C1orf21: variants seen among roughly 807,000 people sequenced by gnomAD.
C1orf21 encodes the protein chromosome 1 open reading frame 21.
C1orf21 carries 3 observed loss-of-function variants against 18.7 expected under a neutral mutation model. The observed-to-expected ratio is 0.16, with a 90% CI of 0.07 to 0.42. The LOEUF (loss-of-function observed/expected upper bound fraction) is 0.42, where lower values mean the gene tolerates loss of function less well. Among genes scored for constraint, C1orf21 ranks in the 10% least tolerant of loss-of-function variants. The pLI is 0.99. For missense variants in C1orf21, 104 were observed against 143.6 expected (o/e 0.72, Z 1.41); for synonymous variants, 41 against 46.4 (o/e 0.88, Z 0.47).
intron 1 of C1orf21, among the ~76,000 whole-genome samples, chr1:184,396,027 T>C (rs1571339084): frequency 6.6e-6 from 1 of 152,152 alleles, no homozygotes; most frequent in Non-Finnish European, 1.5e-5. Context: ...AGATGGAAGA[T>C]GAAGTAGGCC....
rs554904721 is a variant in C1orf21 at position 184,431,005 on chromosome 1, C to G, written c.-125+43637C>G. Among the ~76,000 whole-genome samples the G allele has an allele frequency of 1.4e-4, 22 of 152,082 alleles. 1 individual carries two copies. Among genetic ancestry groups the G allele is most frequent in the Non-Finnish European group, 8.8e-5 (6 of 68,026 alleles). ...TCTCCTTGAAGAGGTGCTTCACATC[C>G]CTTGTAAGTAGTATCCATAGGTATT... is the stretch of plus-strand genomic sequence containing the variant. On this transcript the variant is annotated intron_variant, in intron 1 of 5. Transcript: ENST00000235307.
At chr1:184,478,191 G>T (rs1480982639) in intron 2 of C1orf21, among the ~76,000 whole-genome samples, 1 of 152,166 alleles carries the variant, frequency 6.6e-6, no homozygotes. Flanking sequence ...TCCAAAAGGG[G>T]AGTGAGTGAG....
intron 3 of C1orf21, chr1:184,566,925 C>T (rs1659042762): frequency 1.9e-6 from 1 of 519,364 alleles, no homozygotes; most frequent in South Asian, 1.5e-5. Flanking sequence ...ATAATACCAT[C>T]TCCTGTCATC....
chr1:184,393,653 T>C (rs534592739), intron 1 of C1orf21, among the ~76,000 whole-genome samples: 34 of 152,208 alleles, frequency 2.2e-4, no homozygotes, highest in Non-Finnish European at 4.9e-4. Flanking sequence ...CATTCTCCAT[T>C]GGATAAGCTA....
At chr1:184,567,330 A>T in intron 3 of C1orf21, 1 of 465,316 alleles carries the variant, frequency 2.1e-6, no homozygotes. Context: ...CCTGACTTCC[A>T]GGAAAGCAGG....
intron 1 of C1orf21, among the ~76,000 whole-genome samples, chr1:184,439,877 G>T (rs1006239320): frequency 2.0e-5 from 3 of 152,136 alleles, no homozygotes; most frequent in Non-Finnish European, 2.9e-5. Flanking sequence ...ATGAAAAGTG[G>T]CATAAAAATT....
At chr1:184,392,461 C>T (rs369242293) in intron 1 of C1orf21, among the ~76,000 whole-genome samples, 29 of 152,156 alleles carry the variant, frequency 1.9e-4, no homozygotes, top group East Asian at 1.2e-3. Context: ...GGGAGGGCGG[C>T]GAGGGTTGAG....
intron 3 of C1orf21, among the ~76,000 whole-genome samples, chr1:184,589,182 G>A (rs1294138247): frequency 6.6e-6 from 1 of 152,204 alleles, no homozygotes; most frequent in African/African-American, 2.4e-5. Context: ...GAAATTATGT[G>A]AAAGAGAAAG....
At chr1:184,487,062 C>T (rs374992106) in intron 2 of C1orf21, among the ~76,000 whole-genome samples, 2 of 152,256 alleles carry the variant, frequency 1.3e-5, no homozygotes, top group Admixed American at 6.5e-5. Context: ...GTTCTCAAAA[C>T]GTGCCTCAGT....
rs909367314 is a variant in C1orf21 at position 184,621,249 on chromosome 1, A to G, written c.*1693A>G. 2.0e-5 allele frequency: 3 copies of G among 152,640 alleles called. No individual in the cohort carries two copies. Among genetic ancestry groups the G allele is most frequent in the African/African-American group, 7.2e-5 (3 of 41,450 alleles). The allele number at this position is 152,640 out of a possible 1,614,324, so 9.5% of individuals were successfully genotyped here. On this transcript the variant is annotated 3_prime_UTR_variant, in exon 6 of 6. Coordinates refer to ENST00000235307, the MANE Select transcript of C1orf21 (RefSeq NM_030806.4). ...AGGGAAGGAAACTTAGCAGAGTGCT[A>G]TTGACTATAGATTCACATATTAGCA... is the stretch of plus-strand genomic sequence containing the variant.
chr1:184,413,209 G>A (rs1373227114), intron 1 of C1orf21, among the ~76,000 whole-genome samples: 6 of 152,208 alleles, frequency 3.9e-5, no homozygotes, highest in Admixed American at 2.6e-4. Flanking sequence ...GGGAAGGAGT[G>A]ACTGGGACTT....
intron 1 of C1orf21, among the ~76,000 whole-genome samples, chr1:184,417,192 T>C (rs748977550): frequency 5.3e-5 from 8 of 152,326 alleles, no homozygotes; most frequent in Non-Finnish European, 7.3e-5. Context: ...CAGGACATGC[T>C]GCAGACTCAG....
chr1:184,395,630 C>G (rs991398373), intron 1 of C1orf21, among the ~76,000 whole-genome samples: 1 of 151,908 alleles, frequency 6.6e-6, no homozygotes, highest in Non-Finnish European at 1.5e-5. Context: ...GGTGAATAGA[C>G]AAAGGTGCTT....
intron 3 of C1orf21, among the ~76,000 whole-genome samples, chr1:184,540,677 C>T (rs1477890885): frequency 6.6e-6 from 1 of 152,168 alleles, no homozygotes; most frequent in Non-Finnish European, 1.5e-5. Flanking sequence ...GTGATCTGCC[C>T]ACCTTGGTCT....
intron 1 of C1orf21, among the ~76,000 whole-genome samples, chr1:184,401,131 G>A (rs1046521834): frequency 1.3e-5 from 2 of 152,042 alleles, no homozygotes; most frequent in Non-Finnish European, 2.9e-5. Flanking sequence ...GTGTCTAGGG[G>A]TTTGCATTTC....
intron 3 of C1orf21, among the ~76,000 whole-genome samples, chr1:184,544,899 C>G (rs1195288643): frequency 2.0e-5 from 3 of 152,172 alleles, no homozygotes; most frequent in African/African-American, 7.2e-5. Flanking sequence ...CCTGGACCTT[C>G]CGTGGGTGGC....
intron 5 of C1orf21, among the ~76,000 whole-genome samples, chr1:184,615,275 C>A (rs974893598): frequency 2.6e-5 from 4 of 152,088 alleles, no homozygotes; most frequent in African/African-American, 9.7e-5. Context: ...AGGGTGTGGT[C>A]GGAAAAATTT....
intron 1 of C1orf21, among the ~76,000 whole-genome samples, chr1:184,465,399 A>C (rs1178827700): frequency 6.6e-6 from 1 of 152,192 alleles, no homozygotes; most frequent in Non-Finnish European, 1.5e-5. Flanking sequence ...ACAAATAAAA[A>C]TCTGGGCATA....
chr1:184,446,404 C>G (rs773863038), intron 1 of C1orf21, among the ~76,000 whole-genome samples: 11 of 152,026 alleles, frequency 7.2e-5, no homozygotes, highest in Non-Finnish European at 1.3e-4. Flanking sequence ...AGAAATCCTA[C>G]TTTTGTGTCG....
Sources: allele counts gnomAD v4.1 joint callset (sites outside exome capture counted in the v4.1 genomes callset), GRCh38; gene constraint gnomAD v4.1.1; transcripts MANE v1.5; gene names NCBI Gene and HGNC (gene_info 2026-07-23, HGNC 2026-07-21).